GALNTL6: variants seen among roughly 807,000 people sequenced by gnomAD.
The protein encoded by GALNTL6 is polypeptide N-acetylgalactosaminyltransferase-like 6.
A neutral mutation model predicts 73.7 loss-of-function variants in GALNTL6; 46 were observed. The ratio of observed to expected loss-of-function variants is 0.62; its 90% CI spans 0.49 to 0.80. The LOEUF (loss-of-function observed/expected upper bound fraction) is 0.80, where lower values mean the gene tolerates loss of function less well. Ranked by LOEUF, GALNTL6 falls within the 30% of genes least tolerant of loss-of-function variation. GALNTL6 has a pLI of 0.00. For missense variants in GALNTL6, 604 were observed against 755.0 expected (o/e 0.80, Z 2.34); for synonymous variants, 259 against 263.7 (o/e 0.98, Z 0.17).
At chr4:172,285,869 C>T (rs186001841) in intron 3 of GALNTL6, among the ~76,000 whole-genome samples, 7 of 152,228 alleles carry the variant, frequency 4.6e-5, no homozygotes, top group South Asian at 2.1e-4. Context: ...CAAAGACATC[C>T]GGCAGACATT....
intron 5 of GALNTL6, among the ~76,000 whole-genome samples, chr4:172,541,234 T>G (rs543952683): frequency 6.6e-6 from 1 of 152,314 alleles, no homozygotes; most frequent in Admixed American, 6.5e-5. Context: ...TGCATAGCCT[T>G]AGGTCTTGTT....
chr4:171,860,899 G>A (rs777883789), intron 2 of GALNTL6, among the ~76,000 whole-genome samples: 7 of 151,978 alleles, frequency 4.6e-5, no homozygotes, highest in Non-Finnish European at 1.0e-4. Flanking sequence ...GGGTGATAAC[G>A]CCAATTCCAA....
intron 2 of GALNTL6, among the ~76,000 whole-genome samples, chr4:171,896,437 T>A (rs1242574306): frequency 2.0e-5 from 3 of 152,184 alleles, no homozygotes; most frequent in Non-Finnish European, 4.4e-5. Flanking sequence ...TAATTCTAAG[T>A]AGACAGTTGT....
intron 5 of GALNTL6, among the ~76,000 whole-genome samples, chr4:172,376,987 G>A (rs185166452): frequency 6.6e-4 from 101 of 152,226 alleles, no homozygotes; most frequent in African/African-American, 2.2e-3. Flanking sequence ...TAAAGGCAGC[G>A]CAGACCAAAA....
At chr4:172,383,401 T>A (rs1178301979) in intron 5 of GALNTL6, among the ~76,000 whole-genome samples, 1 of 152,210 alleles carries the variant, frequency 6.6e-6, no homozygotes, top group Admixed American at 6.5e-5. Context: ...ATTTCATTTT[T>A]AGACTTTTCA....
At chr4:172,176,414 T>C (rs1451104132) in intron 2 of GALNTL6, among the ~76,000 whole-genome samples, 1 of 150,798 alleles carries the variant, frequency 6.6e-6, no homozygotes, top group Non-Finnish European at 1.5e-5. Flanking sequence ...TTATAGCCAG[T>C]GTACTTAGTA....
At chr4:172,743,734 G>T (rs113842670) in intron 5 of GALNTL6, among the ~76,000 whole-genome samples, 12 of 152,152 alleles carry the variant, frequency 7.9e-5, no homozygotes, top group African/African-American at 2.9e-4. Flanking sequence ...ATCCTTATGA[G>T]AAAAGAAATG....
chr4:172,036,569 T>C (rs912580790), intron 2 of GALNTL6, among the ~76,000 whole-genome samples: 3 of 152,182 alleles, frequency 2.0e-5, no homozygotes, highest in African/African-American at 4.8e-5. Flanking sequence ...GTAACTCTTT[T>C]AAGCACTTTG....
At chr4:172,354,937 T>C (rs2111227459) in intron 5 of GALNTL6, among the ~76,000 whole-genome samples, 1 of 152,234 alleles carries the variant, frequency 6.6e-6, no homozygotes. Context: ...CGAATGTGAA[T>C]AATCTCTCAA....
intron 8 of GALNTL6, among the ~76,000 whole-genome samples, chr4:172,883,765 T>C (rs762017726): frequency 6.6e-5 from 10 of 152,128 alleles, no homozygotes; most frequent in Non-Finnish European, 1.2e-4. Context: ...ATTAACCAAC[T>C]TCTTTTTTTG....
chr4:172,083,310 A>G (rs971896568), intron 2 of GALNTL6, among the ~76,000 whole-genome samples: 11 of 152,170 alleles, frequency 7.2e-5, no homozygotes, highest in African/African-American at 1.4e-4. Context: ...CTTTTTATAC[A>G]TATTAGATCC....
At chr4:172,104,584 A>G (rs1732626369) in intron 2 of GALNTL6, among the ~76,000 whole-genome samples, 1 of 152,152 alleles carries the variant, frequency 6.6e-6, no homozygotes, top group Admixed American at 6.5e-5. Context: ...GATTATTTGA[A>G]TAATCTTTAT....
intron 2 of GALNTL6, among the ~76,000 whole-genome samples, chr4:171,917,571 T>C (rs1180413440): frequency 1.3e-5 from 2 of 152,026 alleles, no homozygotes; most frequent in African/African-American, 2.4e-5. Context: ...CTTATTTCTC[T>C]TCCAAAATAT....
At chr4:172,522,372 G>A (rs183007231) in intron 5 of GALNTL6, among the ~76,000 whole-genome samples, 39 of 152,094 alleles carry the variant, frequency 2.6e-4, no homozygotes, top group Non-Finnish European at 5.0e-4. Flanking sequence ...GGTTACCAGC[G>A]ATAAAAAGTG....
intron 5 of GALNTL6, among the ~76,000 whole-genome samples, chr4:172,739,773 G>T (rs1736694589): frequency 6.6e-6 from 1 of 151,756 alleles, no homozygotes; most frequent in Admixed American, 6.6e-5. Flanking sequence ...TTTAGATTTG[G>T]CTGAGAAACA....
chr4:172,717,496 G>A (rs750967516), intron 5 of GALNTL6, among the ~76,000 whole-genome samples: 1 of 152,184 alleles, frequency 6.6e-6, no homozygotes, highest in Non-Finnish European at 1.5e-5. Flanking sequence ...CAATAAAGAT[G>A]GCAGATGAGC....
chr4:172,849,124 C>T lies in GALNTL6; in HGVS notation c.924-33666C>T, dbSNP rs142551842. On this transcript the variant is annotated intron_variant, in intron 7 of 12. Transcript: ENST00000506823. ...GATACCAAGATTTCAGTCCTTGTCC[C>T]TATCTTAGTTTATGTTATTTTACTA... Among the ~76,000 whole-genome samples, 147 of 152,192 alleles carry T rather than the reference C, an allele frequency of 9.7e-4. 1 individual carries two copies. The highest frequency in any genetic ancestry group is 3.3e-3 in the African/African-American group (138 of 41,536).
chr4:172,701,439 A>G (rs1234061975), intron 5 of GALNTL6, among the ~76,000 whole-genome samples: 2 of 152,254 alleles, frequency 1.3e-5, no homozygotes, highest in Admixed American at 6.5e-5. Context: ...CCAGGCCAAC[A>G]GGTCAGAGCT....
intron 7 of GALNTL6, among the ~76,000 whole-genome samples, chr4:172,853,197 A>T (rs1028863418): frequency 2.0e-5 from 3 of 152,190 alleles, no homozygotes; most frequent in African/African-American, 7.2e-5. Context: ...TCCATTTGCA[A>T]GCTTACTCAG....
Sources: allele counts gnomAD v4.1 joint callset (sites outside exome capture counted in the v4.1 genomes callset), GRCh38; gene constraint gnomAD v4.1.1; transcripts MANE v1.5; gene names NCBI Gene and HGNC (gene_info 2026-07-23, HGNC 2026-07-21).